Variants in KCND3 observed in about 807,000 individuals in gnomAD.
The protein encoded by KCND3 is potassium voltage-gated channel subfamily D member 3, also known as A-type voltage-gated potassium channel KCND3.
In KCND3, 9 loss-of-function variants were observed where a neutral mutation model predicts 51.1. The ratio of observed to expected loss-of-function variants is 0.18; its 90% CI spans 0.11 to 0.31. The LOEUF (loss-of-function observed/expected upper bound fraction) is 0.31. Ranked by LOEUF, KCND3 falls within the 10% of genes least tolerant of loss-of-function variation. The pLI, the probability that KCND3 is intolerant of heterozygous loss-of-function variation, is 1.00. For missense variants in KCND3, 526 were observed against 903.8 expected, an observed-to-expected ratio of 0.58 and a Z score of 5.36; for synonymous variants, 349 against 368.0, an observed-to-expected ratio of 0.95 and a Z score of 0.59.
intron 2 of KCND3, among the ~76,000 whole-genome samples, chr1:111,948,578 T>C (rs1323125607): frequency 1.3e-5 from 2 of 152,142 alleles, no homozygotes; most frequent in African/African-American, 4.8e-5. Context: ...AGAGTTCCTA[T>C]CCCATCTGCA....
chr1:111,857,967 T>C lies in KCND3; in HGVS notation c.1107-70861A>G, dbSNP rs561547566. On this transcript the variant is annotated intron_variant, in intron 2 of 7. Transcript: ENST00000302127. ...TACTTGGGTTATTAAAAAATTTTTC[T>C]GATTCTCGCAATAATGCTGTGAGAT... Among the ~76,000 whole-genome samples the C allele has an allele frequency of 2.6e-5, 4 of 152,332 alleles. No homozygotes were observed. The South Asian group carries it at 6.2e-4, about 24-fold the overall frequency.
intron 2 of KCND3, among the ~76,000 whole-genome samples, chr1:111,927,299 C>G (rs1421871981): frequency 6.6e-6 from 1 of 152,232 alleles, no homozygotes; most frequent in Non-Finnish European, 1.5e-5. Flanking sequence ...CAGAAGCCTG[C>G]AGACTCTGTT....
intron 2 of KCND3, among the ~76,000 whole-genome samples, chr1:111,939,962 T>C (rs1040150244): frequency 2.0e-5 from 3 of 152,210 alleles, no homozygotes; most frequent in African/African-American, 2.4e-5. Context: ...GGTTTTGGTT[T>C]GCATTTCTCT....
Position 111,780,436 on chromosome 1 carries a change from A to C in KCND3, c.1372-122T>G. On this transcript the variant is annotated intron_variant, in intron 4 of 7. Transcript: ENST00000302127. This position sits in a 1 kb window ranked among gnomAD's most constrained non-coding sequence, Gnocchi z 4.2. Reference sequence around the variant, plus strand: ...AATCAAATTTTTTTTTATTTGACCAAATTTCAGGGTCAGCATTGAATATGC... The same window carrying C: ...AATCAAATTTTTTTTTATTTGACCACATTTCAGGGTCAGCATTGAATATGC... The C allele has an allele frequency of 3.9e-6, 4 of 1,029,346 alleles. No individual in the cohort carries two copies. The South Asian group carries it at 5.5e-5, about 14-fold the overall frequency. The allele number at this position is 1,029,346 out of a possible 1,614,324, so 63.8% of individuals were successfully genotyped here. A position where few individuals can be genotyped will look rare whatever the true frequency, so the allele number is the denominator to read the frequency against.
At chr1:111,912,185 T>C (rs1310352415) in intron 2 of KCND3, among the ~76,000 whole-genome samples, 1 of 152,264 alleles carries the variant, frequency 6.6e-6, no homozygotes, top group Non-Finnish European at 1.5e-5. Context: ...ACAGGTTTCA[T>C]GATACAGTTG....
At chr1:111,954,786 T>C (rs1387565848) in intron 2 of KCND3, among the ~76,000 whole-genome samples, 1 of 152,250 alleles carries the variant, frequency 6.6e-6, no homozygotes. Flanking sequence ...CTTTCTCCTC[T>C]GGGACTCTAA....
At chr1:111,860,119 C>T (rs1453947257) in intron 2 of KCND3, among the ~76,000 whole-genome samples, 2 of 152,204 alleles carry the variant, frequency 1.3e-5, no homozygotes, top group African/African-American at 4.8e-5. Context: ...ACAATAGTTA[C>T]GGCAGGCACT....
chr1:111,792,565 C>A (rs1280848584), intron 2 of KCND3, among the ~76,000 whole-genome samples: 1 of 152,110 alleles, frequency 6.6e-6, no homozygotes, highest in Non-Finnish European at 1.5e-5. Context: ...TGGTTAAAAG[C>A]GTGGTCTCTG....
At position 111,889,214 on chromosome 1, in the gene KCND3, C is replaced by A. The variant is rs541977060; in HGVS notation, c.1106+92407G>T. Among the ~76,000 whole-genome samples the A allele has an allele frequency of 5.9e-5, 9 of 152,286 alleles. No individual in the cohort carries two copies. The South Asian group carries it at 1.9e-3, about 32-fold the overall frequency. On this transcript the variant is annotated intron_variant, in intron 2 of 7. Coordinates refer to ENST00000302127, the MANE Select transcript of KCND3 (RefSeq NM_001378969.1). Reference sequence around the variant, plus strand: ...CACCATAAGTGAACAGAGGCCTGCCCCAAAAATTCAGGGGACAGACACCGC... The same window carrying A: ...CACCATAAGTGAACAGAGGCCTGCCACAAAAATTCAGGGGACAGACACCGC...
At chr1:111,823,627 G>T (rs141884518) in intron 2 of KCND3, among the ~76,000 whole-genome samples, 10 of 152,050 alleles carry the variant, frequency 6.6e-5, no homozygotes, top group Non-Finnish European at 1.5e-4. Context: ...TTCATTGTGG[G>T]GTGCATTATG....
chr1:111,985,387 C>G (rs1675216011), intron 1 of KCND3, among the ~76,000 whole-genome samples: 1 of 152,206 alleles, frequency 6.6e-6, no homozygotes, highest in South Asian at 2.1e-4. Flanking sequence ...CCATTAAACC[C>G]AGGCAGTCTC....
rs1022932641 is a variant in KCND3, at chr1:111,771,543, C to G, written c.*4534G>C. The G allele has an allele frequency of 1.3e-5, 2 of 152,152 alleles. No homozygotes were observed. The highest frequency in any genetic ancestry group is 2.9e-5 in the Non-Finnish European group (2 of 68,036). 9.4% of individuals were successfully genotyped at this position (152,152 alleles called of 1,614,324 possible). ...TGGAATTCTTTAGTAACCTCGAAAT[C>G]TAGTGTTAGCTCAATTTTCAACCAC... On this transcript the variant is annotated 3_prime_UTR_variant, in exon 8 of 8. Transcript: ENST00000302127.
At chr1:111,785,274 G>A (rs1418991695) in intron 3 of KCND3, among the ~76,000 whole-genome samples, 1 of 152,198 alleles carries the variant, frequency 6.6e-6, no homozygotes, top group African/African-American at 2.4e-5. Context: ...AGGGTCTCTG[G>A]TTCCTGAATG....
chr1:111,859,631 A>G (rs964923879), intron 2 of KCND3, among the ~76,000 whole-genome samples: 1 of 152,222 alleles, frequency 6.6e-6, no homozygotes, highest in African/African-American at 2.4e-5. Context: ...ACAGCCAGGA[A>G]GTACTTCCTT....
intron 2 of KCND3, among the ~76,000 whole-genome samples, chr1:111,835,484 A>C (rs1339367304): frequency 6.6e-6 from 1 of 152,222 alleles, no homozygotes. Flanking sequence ...GGTTGGCACA[A>C]GAAACAGGTC....
At chr1:111,884,921 C>T (rs144205821) in intron 2 of KCND3, among the ~76,000 whole-genome samples, 8 of 152,132 alleles carry the variant, frequency 5.3e-5, no homozygotes, top group African/African-American at 1.2e-4. Context: ...GCGATGGGGG[C>T]GGTCCTGTGC....
At chr1:111,889,374 A>G (rs953941845) in intron 2 of KCND3, among the ~76,000 whole-genome samples, 2 of 152,208 alleles carry the variant, frequency 1.3e-5, no homozygotes, top group Non-Finnish European at 2.9e-5. Flanking sequence ...TAATCACTCA[A>G]TAGGCATTTA....
intron 2 of KCND3, among the ~76,000 whole-genome samples, chr1:111,851,606 C>T (rs1265321203): frequency 2.0e-5 from 3 of 152,248 alleles, no homozygotes; most frequent in African/African-American, 7.2e-5. Context: ...GCCTGCATTA[C>T]AGTCTTTACC....
intron 2 of KCND3, among the ~76,000 whole-genome samples, chr1:111,803,602 TG>T (rs1487135024): frequency 6.6e-6 from 1 of 152,182 alleles, no homozygotes; most frequent in African/African-American, 2.4e-5. Context: ...AGGTCGGAGA[TG>T]GTGCTCCATC....
Sources: gnomAD v4.1 joint callset for allele counts (sites outside exome capture counted in the v4.1 genomes callset) on GRCh38, gnomAD v4.1.1 for gene constraint, Gnocchi (gnomAD v3.1) non-coding constraint, MANE v1.5 for transcripts, NCBI Gene and HGNC (gene_info 2026-07-23, HGNC 2026-07-21) for gene names.